The following SEC23B variants were observed in gnomAD, a reference collection of about 807,000 sequenced individuals.
SEC23B encodes the protein protein transport protein Sec23B.
SEC23B carries 77 observed loss-of-function variants against 104.3 expected under a neutral mutation model. That is an observed-to-expected ratio of 0.74 (90% CI 0.61 to 0.89). SEC23B has a LOEUF of 0.89. SEC23B is among the 40% of genes least tolerant of loss of function. The probability of loss-of-function intolerance (pLI) is 0.00; values close to 1 mark genes in which losing one functional copy is unlikely to be tolerated. For missense variants in SEC23B, 885 were observed against 949.4 expected, an observed-to-expected ratio of 0.93 and a Z score of 0.89; for synonymous variants, 338 against 332.5, an observed-to-expected ratio of 1.02 and a Z score of -0.18.
rs967988810 is a variant in SEC23B at position 18,510,821 on chromosome 20, G to C, written c.-14-1G>C. 1 of 1,607,214 alleles carries C rather than the reference G, an allele frequency of 6.2e-7. No homozygotes were observed. ...TAAGGTAATTAAAGTTTTATCTTCA[G>C]TTCCCTTTTAGACTATGGCGACATA... is the stretch of plus-strand genomic sequence containing the variant. On this transcript the variant is annotated splice_acceptor_variant, in intron 1 of 19. Transcript: ENST00000650089. LOFTEE classifies it low-confidence loss of function (5UTR_SPLICE).
chr20:18,527,974 G>A (rs774479024), intron 9 of SEC23B, among the ~76,000 whole-genome samples: 3 of 152,156 alleles, frequency 2.0e-5, no homozygotes, highest in Non-Finnish European at 4.4e-5. Context: ...AAACAACTAG[G>A]ATAAACCTGG....
intron 19 of SEC23B, among the ~76,000 whole-genome samples, chr20:18,559,164 C>G (rs185199222): frequency 1.3e-5 from 2 of 151,622 alleles, no homozygotes; most frequent in Admixed American, 6.6e-5. Context: ...GTTGACACCT[C>G]GGGGTGTCTA....
At position 18,552,405 on chromosome 20, in the gene SEC23B, A is replaced by G. The variant is rs2060395435; in HGVS notation, c.1992+1230A>G. ...ATGACCAGCTGCTCTTCCCACTGGAACCTTTGGTATCAGTACAGTTGGCCC... is the reference window on the plus strand; with the variant it reads ...ATGACCAGCTGCTCTTCCCACTGGAGCCTTTGGTATCAGTACAGTTGGCCC... On this transcript the variant is annotated intron_variant, in intron 17 of 19. Coordinates refer to ENST00000650089, the MANE Select transcript of SEC23B (RefSeq NM_006363.6). 2.0e-5 allele frequency among the ~76,000 whole-genome samples: 3 copies of G among 152,274 alleles called. No homozygotes were observed. The South Asian group carries it at 6.2e-4, about 32-fold the overall frequency.
At chr20:18,528,067 T>C (rs1166807986) in intron 9 of SEC23B, among the ~76,000 whole-genome samples, 1 of 152,176 alleles carries the variant, frequency 6.6e-6, no homozygotes, top group Non-Finnish European at 1.5e-5. Flanking sequence ...CAGTATTGTA[T>C]TCACAGGCCA....
chr20:18,516,169 C>T, intron 4 of SEC23B, among the ~76,000 whole-genome samples: 1 of 151,890 alleles, frequency 6.6e-6, no homozygotes, highest in Admixed American at 6.6e-5. Flanking sequence ...CTCCTTCTTA[C>T]TTGAATCTTC....
chr20:18,524,999 A>G lies in SEC23B; in HGVS notation c.668A>G (p.Glu223Gly), dbSNP rs2060122213. 1 of 1,613,952 alleles carries G rather than the reference A, an allele frequency of 6.2e-7. No homozygotes were observed. The highest frequency in any genetic ancestry group is 1.1e-5 in the South Asian group (1 of 91,078). The change falls in exon 6 of 20, where the codon GAG becomes GGG. Residue 223 changes from glutamate to glycine, a missense_variant. Coordinates refer to ENST00000650089, the MANE Select transcript of SEC23B (RefSeq NM_006363.6). The stretch of plus-strand genomic sequence containing the variant: ...CAAGCACGACCTGCACAACCACAGG[A>G]GCACCCTTTTGCTTCAAGCAGGTGA... ...MQQARPAQPQ[E>G]HPFASSRFLQ...
At chr20:18,523,564 G>A (rs545668324) in intron 4 of SEC23B, among the ~76,000 whole-genome samples, 1 of 151,570 alleles carries the variant, frequency 6.6e-6, no homozygotes, top group African/African-American at 2.4e-5. Context: ...CACTACGCCT[G>A]GCTAATTTTT....
At chr20:18,539,192 A>G (rs2060264398) in intron 12 of SEC23B, among the ~76,000 whole-genome samples, 1 of 140,994 alleles carries the variant, frequency 7.1e-6, no homozygotes, top group African/African-American at 2.7e-5. Context: ...AGCCTGGGAG[A>G]CAGAGCAAGA....
At chr20:18,523,191 A>G (rs963572654) in intron 4 of SEC23B, among the ~76,000 whole-genome samples, 13 of 152,030 alleles carry the variant, frequency 8.6e-5, no homozygotes, top group African/African-American at 2.9e-4. Context: ...CTCCAACCCC[A>G]GTATCTGCTA....
chr20:18,555,468 C>T (rs1293953334), intron 19 of SEC23B, among the ~76,000 whole-genome samples: 1 of 151,998 alleles, frequency 6.6e-6, no homozygotes, highest in Non-Finnish European at 1.5e-5. Flanking sequence ...CGTCACACAG[C>T]CTCATGGCCC....
chr20:18,523,097 T>A (rs1003639943), intron 4 of SEC23B, among the ~76,000 whole-genome samples: 5 of 151,862 alleles, frequency 3.3e-5, no homozygotes, highest in African/African-American at 1.2e-4. Flanking sequence ...TCATGTTACT[T>A]CTCTGTTCAG....
rs1716912602 is a variant in SEC23B at position 18,535,763 on chromosome 20, T to C, written c.1404+21T>C. 1.0e-5 allele frequency: 16 copies of C among 1,542,352 alleles called. No homozygotes were observed. In the East Asian group the frequency reaches 3.4e-4, roughly 32 times the overall value. On this transcript the variant is annotated intron_variant, in intron 12 of 19. Transcript: ENST00000650089. The stretch of plus-strand genomic sequence containing the variant: ...ATCAGGTGAGTTGGATTTCTTCACA[T>C]GTCTTCATGTCTTAGTGTCCTGTTT...
chr20:18,552,409 T>C (rs1249936787), intron 17 of SEC23B, among the ~76,000 whole-genome samples: 2 of 152,200 alleles, frequency 1.3e-5, no homozygotes, highest in Non-Finnish European at 2.9e-5. Context: ...ACTGGAACCT[T>C]TGGTATCAGT....
chr20:18,539,139 G>A (rs1315168978), intron 12 of SEC23B, among the ~76,000 whole-genome samples: 1 of 150,690 alleles, frequency 6.6e-6, no homozygotes, highest in African/African-American at 2.4e-5. Context: ...CTTAAACCAA[G>A]TGATGGAGGT....
At chr20:18,531,595 G>T (rs1378031099) in intron 10 of SEC23B, among the ~76,000 whole-genome samples, 1 of 150,970 alleles carries the variant, frequency 6.6e-6, no homozygotes, top group African/African-American at 2.4e-5. Context: ...GGCGGAGGTT[G>T]CGGTGAGCCA....
At position 18,543,127 on chromosome 20, in the gene SEC23B, G is replaced by A. The variant is rs1228513256; in HGVS notation, c.1620G>A (p.Glu540=). The A allele has an allele frequency of 6.2e-7, 1 of 1,614,094 alleles. No individual in the cohort carries two copies. Among genetic ancestry groups the A allele is most frequent in the African/African-American group, 1.3e-5 (1 of 74,928 alleles). The change falls in exon 14 of 20, where the codon GAG becomes GAA. Residue 540 remains glutamate (E), a synonymous_variant. Transcript: ENST00000650089. The part of the protein sequence containing the change: ...RLGVFRAESE[E]GPDVLRWLDR... ...GGGTGTTCCGAGCGGAGTCAGAGGA[G>A]GGGCCCGATGTGCTCCGGTGGCTGG...
rs1319625156 is a variant in SEC23B at position 18,548,542 on chromosome 20, C to A, written c.1744-67C>A. 10 of 1,501,044 alleles carry A rather than the reference C, an allele frequency of 6.7e-6. No individual in the cohort carries two copies. The East Asian group carries it at 6.8e-5, about 10-fold the overall frequency. 93.0% of individuals were successfully genotyped at this position (1,501,044 alleles called of 1,614,324 possible). On this transcript the variant is annotated intron_variant, in intron 15 of 19. Transcript: ENST00000650089. ...CCTATTTCAGAGCCCTGAGGTAGAT[C>A]TACTCTGTGGGTGTCTAAGAAGGTT...
At chr20:18,520,457 C>T (rs2060073034) in intron 4 of SEC23B, among the ~76,000 whole-genome samples, 1 of 151,694 alleles carries the variant, frequency 6.6e-6, no homozygotes, top group Non-Finnish European at 1.5e-5. Context: ...TTGGGGGGTA[C>T]AAGAGGAGGA....
At chr20:18,525,501 G>C (rs1371842964) in intron 6 of SEC23B, among the ~76,000 whole-genome samples, 1 of 152,178 alleles carries the variant, frequency 6.6e-6, no homozygotes, top group Non-Finnish European at 1.5e-5. Context: ...CATGTCCTTA[G>C]GATTTTTTTG....
Sources: gnomAD v4.1 joint callset for allele counts (sites outside exome capture counted in the v4.1 genomes callset) on GRCh38, gnomAD v4.1.1 for gene constraint, MANE v1.5 for transcripts, NCBI Gene and HGNC (gene_info 2026-07-23, HGNC 2026-07-21) for gene names.